The following TMTC2 variants were observed in gnomAD, a reference collection of about 807,000 sequenced individuals.
TMTC2 encodes the protein transmembrane O-mannosyltransferase targeting cadherins 2, also known as protein O-mannosyl-transferase TMTC2.
A neutral mutation model predicts 82.4 loss-of-function variants in TMTC2; 43 were observed. The ratio of observed to expected loss-of-function variants is 0.52; its 90% CI spans 0.41 to 0.67. The LOEUF (loss-of-function observed/expected upper bound fraction) is 0.67, where lower values mean the gene tolerates loss of function less well. Among genes scored for constraint, TMTC2 ranks in the 30% least tolerant of loss-of-function variants. The probability of loss-of-function intolerance (pLI) is 0.00; values close to 1 mark genes in which losing one functional copy is unlikely to be tolerated. For synonymous variants in TMTC2, 408 were observed against 381.9 expected (o/e 1.07, Z -0.80); for missense variants, 919 against 1,012.4 (o/e 0.91, Z 1.25).
At chr12:82,713,155 A>G (rs543067059) in intron 1 of TMTC2, among the ~76,000 whole-genome samples, 3 of 152,210 alleles carry the variant, frequency 2.0e-5, no homozygotes, top group African/African-American at 7.2e-5. Flanking sequence ...CCCCGTCTCT[A>G]CTAGAAAGAC....
At chr12:83,063,383 A>G (rs554047361) in intron 11 of TMTC2, among the ~76,000 whole-genome samples, 1 of 151,906 alleles carries the variant, frequency 6.6e-6, no homozygotes, top group East Asian at 1.9e-4. Flanking sequence ...TAATTATGAG[A>G]TGTTTCAAGA....
chr12:82,878,258 T>C (rs1872676415), intron 2 of TMTC2, among the ~76,000 whole-genome samples: 1 of 152,206 alleles, frequency 6.6e-6, no homozygotes, highest in Non-Finnish European at 1.5e-5. Context: ...GTGGGAGCAG[T>C]GAAACTCACT....
chr12:82,706,134 C>T (rs1413802896), intron 1 of TMTC2, among the ~76,000 whole-genome samples: 1 of 151,944 alleles, frequency 6.6e-6, no homozygotes, highest in Non-Finnish European at 1.5e-5. Flanking sequence ...CATGGTGAAA[C>T]CTTCTTTCTA....
chr12:82,896,316 AC>A lies in TMTC2; in HGVS notation c.1156del (p.Gln386SerfsTer16), dbSNP rs2137180876. On this transcript the variant is annotated frameshift_variant, in exon 3 of 12. Coordinates refer to ENST00000321196, the MANE Select transcript of TMTC2 (RefSeq NM_152588.3). LOFTEE classifies it high-confidence loss of function. ...CATTAAAAACGATGTATCACAGAGA[AC>A]CCAGCTTCCTTCTACGGAGAACATT... Reference protein sequence around the residue: ...NGIKNDVSQRTQLPSTENIVV... With the variant: ...NGIKNDVSQRXQLPSTENIVV... 1 of 1,614,176 alleles carries A rather than the reference AC, an allele frequency of 6.2e-7. No homozygotes were observed. Among genetic ancestry groups the A allele is most frequent in the East Asian group, 2.2e-5 (1 of 44,880 alleles).
chr12:82,871,692 T>TGTGC (rs1872187453), intron 2 of TMTC2, among the ~76,000 whole-genome samples: 1 of 116,222 alleles, frequency 8.6e-6, no homozygotes, highest in Non-Finnish European at 1.7e-5. Context: ...TGTGTGTGTG[T>TGTGC]GTGTGTGTGT....
At chr12:83,003,214 T>C (rs1464290024) in intron 8 of TMTC2, among the ~76,000 whole-genome samples, 1 of 152,166 alleles carries the variant, frequency 6.6e-6, no homozygotes, top group Admixed American at 6.5e-5. Flanking sequence ...TAACGTCTGT[T>C]TTATCTGATA....
intron 11 of TMTC2, among the ~76,000 whole-genome samples, chr12:83,064,167 C>G (rs1882840573): frequency 6.6e-6 from 1 of 151,780 alleles, no homozygotes; most frequent in African/African-American, 2.4e-5. Flanking sequence ...AAATGACCAT[C>G]TTCAGCATAT....
intron 1 of TMTC2, among the ~76,000 whole-genome samples, chr12:82,746,137 A>G (rs1169392123): frequency 1.3e-5 from 2 of 152,212 alleles, no homozygotes; most frequent in Non-Finnish European, 2.9e-5. Flanking sequence ...CAGTGATACA[A>G]AGAGCTTTCA....
chr12:82,748,817 C>A (rs1262407581), intron 1 of TMTC2, among the ~76,000 whole-genome samples: 1 of 152,158 alleles, frequency 6.6e-6, no homozygotes, highest in East Asian at 1.9e-4. Context: ...GCAGAGGTTG[C>A]AGTGAGCCAA....
intron 11 of TMTC2, among the ~76,000 whole-genome samples, chr12:83,095,243 T>C (rs1409843346): frequency 1.5e-5 from 2 of 132,946 alleles, no homozygotes; most frequent in African/African-American, 5.2e-5. Flanking sequence ...TTTTTTTTTG[T>C]TTTTTTTGTT....
intron 4 of TMTC2, among the ~76,000 whole-genome samples, chr12:82,959,881 AACAG>A (rs3068058): frequency 0.075 from 11,456 of 152,106 alleles, 508 homozygotes; most frequent in Middle Eastern, 0.11. Flanking sequence ...CAACAGAGTA[AACAG>A]ACAGCCTACA....
At chr12:83,076,463 A>G (rs1428531608) in intron 11 of TMTC2, among the ~76,000 whole-genome samples, 1 of 152,332 alleles carries the variant, frequency 6.6e-6, no homozygotes, top group East Asian at 1.9e-4. Context: ...AACTGGGACC[A>G]CACACTAAAA....
intron 6 of TMTC2, among the ~76,000 whole-genome samples, chr12:82,966,263 A>G (rs1043206445): frequency 1.5e-4 from 23 of 152,140 alleles, no homozygotes; most frequent in Admixed American, 6.5e-4. Context: ...AACTGAGGGA[A>G]AAGAAACAGT....
intron 6 of TMTC2, chr12:82,966,070 A>G: frequency 3.3e-6 from 1 of 306,132 alleles, no homozygotes. Context: ...TTCTTTGCTC[A>G]CCATTTCTTT....
At chr12:82,813,035 C>A (rs1310251134) in intron 1 of TMTC2, among the ~76,000 whole-genome samples, 1 of 152,044 alleles carries the variant, frequency 6.6e-6, no homozygotes, top group Non-Finnish European at 1.5e-5. Flanking sequence ...TAGTACTTTA[C>A]ATATGTATAT....
chr12:83,016,365 C>T (rs1460580788), intron 8 of TMTC2, among the ~76,000 whole-genome samples: 3 of 152,274 alleles, frequency 2.0e-5, no homozygotes, highest in East Asian at 1.9e-4. Flanking sequence ...TGTGAGTCAG[C>T]GTAAGTATGC....
At chr12:82,928,512 T>G (rs1875844773) in intron 3 of TMTC2, among the ~76,000 whole-genome samples, 1 of 152,224 alleles carries the variant, frequency 6.6e-6, no homozygotes, top group Non-Finnish European at 1.5e-5. Context: ...TACACTGTTT[T>G]GTCTTTTAAT....
chr12:83,131,892 G>A (rs184697358), intron 11 of TMTC2, among the ~76,000 whole-genome samples: 3 of 152,164 alleles, frequency 2.0e-5, no homozygotes, highest in East Asian at 3.9e-4. Flanking sequence ...TGTATCACTT[G>A]TAAAGGTTTT....
At chr12:82,997,463 ATAGT>A (rs1879720927) in intron 8 of TMTC2, among the ~76,000 whole-genome samples, 1 of 135,542 alleles carries the variant, frequency 7.4e-6, no homozygotes, top group Admixed American at 8.1e-5. Context: ...ATTTTTATAT[ATAGT>A]TATGTATGTC....
Sources: allele counts gnomAD v4.1 joint callset (sites outside exome capture counted in the v4.1 genomes callset), GRCh38; gene constraint gnomAD v4.1.1; transcripts MANE v1.5; gene names NCBI Gene and HGNC (gene_info 2026-07-23, HGNC 2026-07-21).